The following DIXDC1 variants were observed in gnomAD, a reference collection of about 807,000 sequenced individuals.
DIXDC1 encodes dixin.
A neutral mutation model predicts 103.1 loss-of-function variants in DIXDC1; 64 were observed. That is an observed-to-expected ratio of 0.62 (90% CI 0.51 to 0.76). The LOEUF is 0.76. DIXDC1 is among the 30% of genes least tolerant of loss of function. DIXDC1 has a pLI of 0.00. For missense variants in DIXDC1, 759 were observed against 834.2 expected (o/e 0.91, Z 1.11); for synonymous variants, 266 against 298.5 (o/e 0.89, Z 1.12).
At chr11:112,011,134 G>T (rs1861407006) in intron 17 of DIXDC1, among the ~76,000 whole-genome samples, 1 of 152,158 alleles carries the variant, frequency 6.6e-6, no homozygotes, top group Non-Finnish European at 1.5e-5. Flanking sequence ...CCATCAAAAA[G>T]TGGGCAAAGG....
rs587654665 is a variant in DIXDC1 at position 111,964,531 on chromosome 11, A to G, written c.61-18A>G. ...TTAATATGCTCTCTTTCCCTTACTTATATCTTTTATTTTCCAGCAACAGCT... is the reference window on the plus strand; with the variant it reads ...TTAATATGCTCTCTTTCCCTTACTTGTATCTTTTATTTTCCAGCAACAGCT... On this transcript the variant is annotated intron_variant, in intron 1 of 19. Transcript: ENST00000440460. The G allele has an allele frequency of 9.5e-6, 15 of 1,578,196 alleles. No individual in the cohort carries two copies. The East Asian group carries it at 2.8e-4, about 29-fold the overall frequency.
At chr11:111,989,406 C>T (rs1336565305) in intron 10 of DIXDC1, among the ~76,000 whole-genome samples, 4 of 151,970 alleles carry the variant, frequency 2.6e-5, no homozygotes, top group Non-Finnish European at 5.9e-5. Context: ...AGGCGGATCA[C>T]GAGGTCAGGA....
chr11:112,012,814 A>G (rs1026936432), intron 17 of DIXDC1, among the ~76,000 whole-genome samples: 26 of 152,314 alleles, frequency 1.7e-4, no homozygotes, highest in African/African-American at 6.3e-4. Flanking sequence ...TGAAAAGTCT[A>G]TGCAATCCAA....
rs782706612 is a variant in DIXDC1, at chr11:111,985,253, T to C, written c.940T>C (p.Leu314=). The C allele has an allele frequency of 3.1e-6, 5 of 1,613,136 alleles. No individual in the cohort carries two copies. In the East Asian group the frequency reaches 1.1e-4, roughly 36 times the overall value. ...GLQALLLNGS[L]PEDEQERPLA... Reference sequence around the variant, plus strand: ...TCAGGCCTTACTGCTCAATGGATCCTTACCTGAAGATGAACAGGAGAGGCC... The same window carrying C: ...TCAGGCCTTACTGCTCAATGGATCCCTACCTGAAGATGAACAGGAGAGGCC... The change falls in exon 8 of 20, where the codon TTA becomes CTA. Residue 314 remains leucine (L), a synonymous_variant. Coordinates refer to ENST00000440460, the MANE Select transcript of DIXDC1 (RefSeq NM_001037954.4).
rs782781679 is a variant in DIXDC1, at chr11:111,989,020, T to A, written c.1078T>A (p.Cys360Ser). Residue 360 changes from cysteine to serine, a missense_variant, in exon 10 of 20, where the codon TGT becomes AGT. This residue lies in a region of DIXDC1 where 657 missense variants were observed against 727.5 expected (regional missense o/e 0.90). Transcript: ENST00000440460. ...NQDLKKELLKCKQEARNLQGI... is the reference protein window; with the variant it reads ...NQDLKKELLKSKQEARNLQGI... ...TGGTTTGCAGAAGGAACTGCTGAAA[T>A]GTAAACAAGAAGCCAGAAACTTACA... is the stretch of plus-strand genomic sequence containing the variant. 8 of 1,611,578 alleles carry A rather than the reference T, an allele frequency of 5.0e-6. No individual in the cohort carries two copies. Among genetic ancestry groups the A allele is most frequent in the Non-Finnish European group, 5.9e-6 (7 of 1,179,024 alleles).
At chr11:111,952,752 G>A (rs1224395208) in intron 1 of DIXDC1, among the ~76,000 whole-genome samples, 3 of 149,450 alleles carry the variant, frequency 2.0e-5, no homozygotes, top group African/African-American at 4.9e-5. Context: ...CCCAGGAGGC[G>A]GTGGTTGCAA....
At chr11:111,939,427 T>G (rs1566455764) in intron 1 of DIXDC1, among the ~76,000 whole-genome samples, 1 of 152,234 alleles carries the variant, frequency 6.6e-6, no homozygotes, top group Non-Finnish European at 1.5e-5. Context: ...ATGCATAACT[T>G]TTTAATTAAT....
intron 7 of DIXDC1, among the ~76,000 whole-genome samples, chr11:111,982,750 T>C (rs782406612): frequency 1.3e-4 from 20 of 152,222 alleles, no homozygotes; most frequent in Non-Finnish European, 2.5e-4. Flanking sequence ...GTCCTTATTG[T>C]TGACTCTGTG....
intron 1 of DIXDC1, among the ~76,000 whole-genome samples, chr11:111,954,935 A>G (rs1348255102): frequency 1.3e-5 from 2 of 152,128 alleles, no homozygotes; most frequent in African/African-American, 2.4e-5. Flanking sequence ...CCCCATATGT[A>G]TATATATACA....
At chr11:111,987,409 A>G (rs7123332) in intron 9 of DIXDC1, among the ~76,000 whole-genome samples, 1 of 152,178 alleles carries the variant, frequency 6.6e-6, no homozygotes, top group African/African-American at 2.4e-5. Flanking sequence ...TCCTGGTGGT[A>G]GGTAATAGAA....
At chr11:111,983,295 G>T (rs1860381742) in intron 7 of DIXDC1, among the ~76,000 whole-genome samples, 1 of 152,234 alleles carries the variant, frequency 6.6e-6, no homozygotes. Flanking sequence ...GCGGTGGAGG[G>T]CGTGCTCCCA....
At position 111,963,513 on chromosome 11, in the gene DIXDC1, G is replaced by A. The variant is rs1053508575; in HGVS notation, c.61-1036G>A. Among the ~76,000 whole-genome samples the A allele has an allele frequency of 2.0e-5, 3 of 152,202 alleles. No individual in the cohort carries two copies. In the East Asian group the frequency reaches 5.8e-4, roughly 29 times the overall value. On this transcript the variant is annotated intron_variant, in intron 1 of 19. Transcript: ENST00000440460. ...ACATTGTTTCATTAAGGAAGTACTT[G>A]GGGCTTAGGAATCAACTGTATTTTA... is the stretch of plus-strand genomic sequence containing the variant.
At chr11:111,963,587 T>C (rs140925139) in intron 1 of DIXDC1, among the ~76,000 whole-genome samples, 1,648 of 152,340 alleles carry the variant, frequency 0.011, 34 homozygotes, top group African/African-American at 0.038. Flanking sequence ...AATTTTAGGC[T>C]CAGGGTCCTG....
At chr11:112,011,397 G>A (rs1338023651) in intron 17 of DIXDC1, among the ~76,000 whole-genome samples, 1 of 152,188 alleles carries the variant, frequency 6.6e-6, no homozygotes, top group Non-Finnish European at 1.5e-5. Flanking sequence ...ACAGTGTGGC[G>A]ATTCCTCAAG....
intron 7 of DIXDC1, among the ~76,000 whole-genome samples, chr11:111,983,093 T>TG (rs1860371513): frequency 6.6e-6 from 1 of 152,206 alleles, no homozygotes; most frequent in Non-Finnish European, 1.5e-5. Context: ...CCACCCTGAG[T>TG]GACCCCCTCA....
rs28607946 is a variant in DIXDC1, at chr11:111,948,436, T to G, written c.60+10877T>G. ...CTTCAAGCACTTTCAACACCACGCTTACTTCCTTTGCCCTGGTGGTCACTG... is the reference window on the plus strand; with the variant it reads ...CTTCAAGCACTTTCAACACCACGCTGACTTCCTTTGCCCTGGTGGTCACTG... On this transcript the variant is annotated intron_variant, in intron 1 of 19. Transcript: ENST00000440460. Among the ~76,000 whole-genome samples, 9 of 152,278 alleles carry G rather than the reference T, an allele frequency of 5.9e-5. No individual in the cohort carries two copies. The South Asian group carries it at 1.7e-3, about 28-fold the overall frequency.
intron 1 of DIXDC1, among the ~76,000 whole-genome samples, chr11:111,951,573 G>A (rs587598776): frequency 6.6e-6 from 1 of 152,152 alleles, no homozygotes; most frequent in East Asian, 1.9e-4. Flanking sequence ...GTGGCCAGGG[G>A]CCCCAAAATC....
intron 1 of DIXDC1, among the ~76,000 whole-genome samples, chr11:111,959,808 A>G (rs116128266): frequency 0.011 from 1,649 of 152,356 alleles, 36 homozygotes; most frequent in African/African-American, 0.038. Context: ...TTCAGAATGA[A>G]AAATAATACT....
In DIXDC1 at chr11:111,968,556, A is replaced by G. The variant is rs1287225705; in HGVS notation, c.234A>G (p.Gln78=). The change falls in exon 3 of 20, where the codon CAA becomes CAG. Residue 78 remains glutamine, a synonymous_variant. Transcript: ENST00000440460. ...LSGVQLSPGN[Q]QEMKNNVEKV... The stretch of plus-strand genomic sequence containing the variant: ...GGGTACAGCTGAGTCCCGGTAACCA[A>G]CAGGAGATGAAGAATAATGTGGAGA... 1 of 1,613,252 alleles carries G rather than the reference A, an allele frequency of 6.2e-7. No individual in the cohort carries two copies. Among genetic ancestry groups the G allele is most frequent in the South Asian group, 1.1e-5 (1 of 90,844 alleles).
Sources: gnomAD v4.1 joint callset for allele counts (sites outside exome capture counted in the v4.1 genomes callset) on GRCh38, gnomAD v4.1.1 for gene constraint, gnomAD v4.1.1 regional missense constraint, MANE v1.5 for transcripts, NCBI Gene and HGNC (gene_info 2026-07-23, HGNC 2026-07-21) for gene names.